The following TAMALIN variants were observed in gnomAD, a reference collection of about 807,000 sequenced individuals.
TAMALIN encodes protein TAMALIN.
TAMALIN carries 9 observed loss-of-function variants against 38.5 expected under a neutral mutation model. The ratio of observed to expected loss-of-function variants is 0.23; its 90% CI spans 0.14 to 0.41. The LOEUF is 0.41. Ranked by LOEUF, TAMALIN falls within the 10% of genes least tolerant of loss-of-function variation. TAMALIN has a pLI of 1.00. For missense variants in TAMALIN, 548 were observed against 554.1 expected, an observed-to-expected ratio of 0.99 and a Z score of 0.11; for synonymous variants, 306 against 256.5, an observed-to-expected ratio of 1.19 and a Z score of -1.85.
rs570150837 is a variant in TAMALIN, at chr12:52,011,706, G to A, written c.454+565G>A. On this transcript the variant is annotated intron_variant, in intron 4 of 7. Coordinates refer to ENST00000293662, the MANE Select transcript of TAMALIN (RefSeq NM_181711.4). The surrounding 1 kb of genome is among the most constrained non-coding windows in gnomAD (Gnocchi z 5.3). ...TAACCTTGAACTCCTGGGCTCAAGC[G>A]ATCCTCCTCTTGCCTCTGCCTCCCA... is the stretch of plus-strand genomic sequence containing the variant. Among the ~76,000 whole-genome samples, 3 of 152,086 alleles carry A rather than the reference G, an allele frequency of 2.0e-5. No individual in the cohort carries two copies. The highest frequency in any genetic ancestry group is 7.2e-5 in the African/African-American group (3 of 41,450).
At position 52,014,971 on chromosome 12, in the gene TAMALIN, G is replaced by C. The variant is rs1461424882; in HGVS notation, c.960G>C (p.Pro320=). ...CCGCCGAGACCCCTGCCGTGGGGCC[G>C]GGCCCTGGGCCGCGGGCCGCGCTGA... ...PGPAETPAVG[P]GPGPRAALSR... is the part of the protein sequence containing the mutation. The change falls in exon 8 of 8, where the codon CCG becomes CCC. Residue 320 remains proline, a synonymous_variant. Coordinates refer to ENST00000293662, the MANE Select transcript of TAMALIN (RefSeq NM_181711.4). 6 of 969,936 alleles carry C rather than the reference G, an allele frequency of 6.2e-6. No homozygotes were observed. The highest frequency in any genetic ancestry group is 7.3e-6 in the Non-Finnish European group (6 of 817,090). 60.1% of individuals were successfully genotyped at this position (969,936 alleles called of 1,614,324 possible).
Position 52,015,141 on chromosome 12 carries a change from T to C in TAMALIN, c.1130T>C (p.Leu377Pro). Residue 377 changes from leucine to proline, a missense_variant, in exon 8 of 8, where the codon CTG becomes CCG. Around this residue, in one of 3 missense-constraint regions of TAMALIN, gnomAD observed 415 missense variants for 417.0 expected, o/e 1.00. Coordinates refer to ENST00000293662, the MANE Select transcript of TAMALIN (RefSeq NM_181711.4). ...KTKYRSFRRR[L>P]LKFIPGLNRS... ...AAGTACCGCAGCTTCCGCCGGCGGC[T>C]GCTCAAGTTCATCCCCGGACTCAAC... 6.3e-7 allele frequency: 1 copy of C among 1,593,892 alleles called. No individual in the cohort carries two copies. Among genetic ancestry groups the C allele is most frequent in the Non-Finnish European group, 8.5e-7 (1 of 1,178,154 alleles).
At chr12:52,008,901 GCTGCCAGTGTGGAAAC>G (rs1942455475) in intron 1 of TAMALIN, 1 of 343,826 alleles carries the variant, frequency 2.9e-6, no homozygotes, top group Admixed American at 6.5e-5. Context: ...CTCCCCACCT[GCTGCCAGTGTGGAAAC>G]CAGCAAGGGC....
chr12:52,013,112 C>G (rs1937695367), intron 4 of TAMALIN, among the ~76,000 whole-genome samples: 1 of 141,866 alleles, frequency 7.0e-6, no homozygotes, highest in African/African-American at 2.6e-5. Context: ...GAGTCTCGCT[C>G]TGTCGCCCAG....
At chr12:52,012,505 C>T (rs570326609) in intron 4 of TAMALIN, among the ~76,000 whole-genome samples, 3 of 152,286 alleles carry the variant, frequency 2.0e-5, no homozygotes, top group African/African-American at 4.8e-5. Context: ...CCACCCGCCT[C>T]GGCCTCCCAA....
rs1937636466 is a variant in TAMALIN, at chr12:52,011,162, A to G, written c.454+21A>G. The G allele has an allele frequency of 1.9e-6, 3 of 1,609,372 alleles. No individual in the cohort carries two copies. The highest frequency in any genetic ancestry group is 2.5e-6 in the Non-Finnish European group (3 of 1,179,948). ...ACCAGGTGGGGCCTGAGCCCAGGAC[A>G]CCCAGGTCTGGGAAGGGGATATGAC... On this transcript the variant is annotated intron_variant, in intron 4 of 7. Coordinates refer to ENST00000293662, the MANE Select transcript of TAMALIN (RefSeq NM_181711.4). The surrounding 1 kb of genome is among the most constrained non-coding windows in gnomAD (Gnocchi z 5.3).
chr12:52,008,615 T>C (rs879408971), intron 1 of TAMALIN: 190 of 985,302 alleles, frequency 1.9e-4, no homozygotes, highest in Non-Finnish European at 2.2e-4. Context: ...TTAGGAGACC[T>C]GGCACCTCTG....
intron 7 of TAMALIN, 23 bp downstream of exon 7, chr12:52,014,224 G>A (rs375664939): frequency 6.4e-7 from 1 of 1,574,266 alleles, no homozygotes; most frequent in Admixed American, 1.8e-5. Context: ...CGGGGTGTGA[G>A]GGGCCACTTG....
chr12:52,014,143 G>A lies in TAMALIN; in HGVS notation c.624G>A (p.Leu208=), dbSNP rs201293295. The stretch of plus-strand genomic sequence containing the variant: ...GGGACTGTCTCTTGCAGCAAACCCT[G>A]TATGAGAAGTGGGGAGAGTACAGGT... The part of the protein sequence containing the change: ...EARLQYLKQT[L]YEKWGEYRSL... The change falls in exon 7 of 8, where the codon CTG becomes CTA. Residue 208 remains leucine, a synonymous_variant. Transcript: ENST00000293662. The A allele has an allele frequency of 7.9e-5, 127 of 1,604,340 alleles. 1 individual carries two copies. Among genetic ancestry groups the A allele is most frequent in the Admixed American group, 1.2e-4 (7 of 58,224 alleles).
chr12:52,013,299 G>A (rs906374204), intron 4 of TAMALIN, among the ~76,000 whole-genome samples: 7 of 151,340 alleles, frequency 4.6e-5, no homozygotes, highest in Admixed American at 1.3e-4. Flanking sequence ...GGATGGTCTC[G>A]ATCTCCTGAC....
chr12:52,010,524 G>A, intron 2 of TAMALIN: 6 of 1,133,484 alleles, frequency 5.3e-6, no homozygotes, highest in Non-Finnish European at 6.6e-6. Context: ...AACAGAGGAG[G>A]CTCCAGGCTG....
intron 2 of TAMALIN, 22 bp downstream of exon 2, chr12:52,009,261 C>T (rs985656044): frequency 1.2e-6 from 2 of 1,612,960 alleles, no homozygotes; most frequent in African/African-American, 1.3e-5. Context: ...ACACCCAGCC[C>T]CTGCCATGGT....
In TAMALIN at chr12:52,013,581, T is replaced by C. The variant is rs1937710928; in HGVS notation, c.455-106T>C. On this transcript the variant is annotated intron_variant, in intron 4 of 7. Transcript: ENST00000293662. ...AGTTGGAGGAGGGAGTTCAGGAGTA[T>C]TCCCTGGAGTTACTACCCACCCTTC... 8.3e-6 allele frequency: 7 copies of C among 842,644 alleles called. No homozygotes were observed. The South Asian group carries it at 8.5e-5, about 10-fold the overall frequency. The allele number at this position is 842,644 out of a possible 1,614,324, so 52.2% of individuals were successfully genotyped here. A position where few individuals can be genotyped will look rare whatever the true frequency, so the allele number is the denominator to read the frequency against.
In TAMALIN at chr12:52,015,623, C is replaced by CCA; in HGVS notation, c.*433_*434dup. On this transcript the variant is annotated 3_prime_UTR_variant, in exon 8 of 8. Coordinates refer to ENST00000293662, the MANE Select transcript of TAMALIN (RefSeq NM_181711.4). ...CCGTGGTGGGCTGACCCCCCACCCT[C>CCA]CACACACACAGTTCCATGACCCAGC... is the stretch of plus-strand genomic sequence containing the variant. 1 of 164,978 alleles carries CCA rather than the reference C, an allele frequency of 6.1e-6. No individual in the cohort carries two copies. The highest frequency in any genetic ancestry group is 1.3e-5 in the Non-Finnish European group (1 of 75,162). 10.2% of individuals were successfully genotyped at this position (164,978 alleles called of 1,614,324 possible). A position where few individuals can be genotyped will look rare whatever the true frequency, so the allele number is the denominator to read the frequency against.
chr12:52,013,732 G>T lies in TAMALIN; in HGVS notation c.500G>T (p.Arg167Leu), dbSNP rs201072767. The T allele has an allele frequency of 1.9e-6, 3 of 1,614,148 alleles. No homozygotes were observed. The South Asian group carries it at 3.3e-5, about 18-fold the overall frequency. Residue 167 changes from arginine (R) to leucine (L), a missense_variant, in exon 5 of 8, where the codon CGG (arginine) becomes CTG (leucine). Around this residue, in one of 3 missense-constraint regions of TAMALIN, gnomAD observed 415 missense variants for 417.0 expected, o/e 1.00. Coordinates refer to ENST00000293662, the MANE Select transcript of TAMALIN (RefSeq NM_181711.4). ...SVNGLNVEGI[R>L]HREIVDIIKA... is the part of the protein sequence containing the mutation. Reference sequence around the variant, plus strand: ...AATGGCCTGAATGTGGAAGGCATCCGGCATCGAGAGATTGTGGACATCATT... The same window carrying T: ...AATGGCCTGAATGTGGAAGGCATCCTGCATCGAGAGATTGTGGACATCATT...
At position 52,014,761 on chromosome 12, in the gene TAMALIN, G is replaced by T. The variant is rs1937749249; in HGVS notation, c.750G>T (p.Ala250=). ...LESVRSCLYG[A]GLLPGSLPFG... is the part of the protein sequence containing the mutation. ...CGGTGCGCTCCTGCCTCTACGGCGCGGGCCTGCTCCCGGGCTCGCTGCCCT... is the reference window on the plus strand; with the variant it reads ...CGGTGCGCTCCTGCCTCTACGGCGCTGGCCTGCTCCCGGGCTCGCTGCCCT... The change falls in exon 8 of 8, where the codon GCG becomes GCT. Residue 250 remains alanine (A), a synonymous_variant. Transcript: ENST00000293662. 3 of 1,499,866 alleles carry T rather than the reference G, an allele frequency of 2.0e-6. No individual in the cohort carries two copies. The highest frequency in any genetic ancestry group is 2.7e-5 in the East Asian group (1 of 37,408). 92.9% of individuals were successfully genotyped at this position (1,499,866 alleles called of 1,614,324 possible).
intron 1 of TAMALIN, chr12:52,008,827 T>G (rs1195066047): frequency 4.4e-6 from 4 of 903,688 alleles, no homozygotes; most frequent in Non-Finnish European, 5.3e-6. Context: ...GCTTTGGGAG[T>G]CTGGATGGCC....
rs549095306 is a variant in TAMALIN, at chr12:52,015,497, A to G, written c.*298A>G. On this transcript the variant is annotated 3_prime_UTR_variant, in exon 8 of 8. Transcript: ENST00000293662. ...CTGCATCTGTAGTGCCTTGTGGGGT[A>G]TCCAGGAACACCCTCCCAGCAGGGG... is the stretch of plus-strand genomic sequence containing the variant. 2 of 303,604 alleles carry G rather than the reference A, an allele frequency of 6.6e-6. No homozygotes were observed. Among genetic ancestry groups the G allele is most frequent in the Non-Finnish European group, 1.2e-5 (2 of 160,554 alleles). 18.8% of individuals were successfully genotyped at this position (303,604 alleles called of 1,614,324 possible). A position where few individuals can be genotyped will look rare whatever the true frequency, so the allele number is the denominator to read the frequency against.
Position 52,015,244 on chromosome 12 carries a change from G to T in TAMALIN, c.*45G>T. ...GGTATTTATTTATTTATTCGCAACAGCCAGCGCTAAAAGAGGGGGAGGCCG... is the reference window on the plus strand; with the variant it reads ...GGTATTTATTTATTTATTCGCAACATCCAGCGCTAAAAGAGGGGGAGGCCG... On this transcript the variant is annotated 3_prime_UTR_variant, in exon 8 of 8. Coordinates refer to ENST00000293662, the MANE Select transcript of TAMALIN (RefSeq NM_181711.4). 1 of 1,538,140 alleles carries T rather than the reference G, an allele frequency of 6.5e-7. No individual in the cohort carries two copies.
Sources: allele counts gnomAD v4.1 joint callset (sites outside exome capture counted in the v4.1 genomes callset), GRCh38; gene constraint gnomAD v4.1.1; regional missense constraint gnomAD v4.1.1; non-coding constraint Gnocchi (gnomAD v3.1); transcripts MANE v1.5; gene names NCBI Gene and HGNC (gene_info 2026-07-23, HGNC 2026-07-21).